CSMD3: variants seen among roughly 807,000 people sequenced by gnomAD.
CSMD3 encodes CUB and sushi domain-containing protein 3.
In CSMD3, 177 loss-of-function variants were observed where a neutral mutation model predicts 435.2. The observed-to-expected ratio is 0.41, with a 90% CI of 0.36 to 0.46. The LOEUF is 0.46. Ranked by LOEUF, CSMD3 falls within the 20% of genes least tolerant of loss-of-function variation. CSMD3 has a pLI of 0.34. For missense variants in CSMD3, 4,265 were observed against 4,504.6 expected, an observed-to-expected ratio of 0.95 and a Z score of 1.52; for synonymous variants, 1,656 against 1,520.5, an observed-to-expected ratio of 1.09 and a Z score of -2.07.
At chr8:112,642,177 G>A (rs994330018) in intron 20 of CSMD3, among the ~76,000 whole-genome samples, 1 of 151,638 alleles carries the variant, frequency 6.6e-6, no homozygotes, top group Non-Finnish European at 1.5e-5. Flanking sequence ...TTACCTAAAG[G>A]GTGCCATTTG....
chr8:112,937,990 G>A (rs117496103), intron 9 of CSMD3, among the ~76,000 whole-genome samples: 2,165 of 152,214 alleles, frequency 0.014, 24 homozygotes, highest in Non-Finnish European at 0.024. Flanking sequence ...AAAGTTGATC[G>A]TATGAATTGG....
At chr8:112,357,176 A>G (rs1274380339) in intron 38 of CSMD3, among the ~76,000 whole-genome samples, 1 of 152,130 alleles carries the variant, frequency 6.6e-6, no homozygotes, top group Non-Finnish European at 1.5e-5. Flanking sequence ...TCTCAGACAG[A>G]GATGAGGAAC....
chr8:113,075,311 C>T (rs1588021065), intron 5 of CSMD3, among the ~76,000 whole-genome samples: 1 of 151,736 alleles, frequency 6.6e-6, no homozygotes, highest in Admixed American at 6.6e-5. Context: ...GATCTTATTA[C>T]CTCAGAAGAA....
chr8:112,828,069 T>G (rs1424446169), intron 12 of CSMD3, among the ~76,000 whole-genome samples: 1 of 152,214 alleles, frequency 6.6e-6, no homozygotes, highest in Non-Finnish European at 1.5e-5. Context: ...GTATATTGCA[T>G]GTAAAATATA....
intron 5 of CSMD3, among the ~76,000 whole-genome samples, chr8:113,090,009 A>C (rs1264475316): frequency 1.1e-4 from 17 of 152,104 alleles, no homozygotes; most frequent in Admixed American, 9.8e-4. Context: ...AGAAAAAAAA[A>C]GTTAAAGTCA....
intron 18 of CSMD3, among the ~76,000 whole-genome samples, chr8:112,651,735 A>C (rs2075132867): frequency 6.6e-6 from 1 of 151,780 alleles, no homozygotes; most frequent in South Asian, 2.1e-4. Flanking sequence ...GACGGGTTTT[A>C]CCATGCTGGC....
intron 32 of CSMD3, among the ~76,000 whole-genome samples, chr8:112,468,983 T>C (rs1329474404): frequency 6.6e-6 from 1 of 151,986 alleles, no homozygotes; most frequent in East Asian, 1.9e-4. Flanking sequence ...TTGACATTTG[T>C]CTTATTTATA....
chr8:112,474,321 G>A (rs542033888), intron 31 of CSMD3, among the ~76,000 whole-genome samples: 1 of 152,214 alleles, frequency 6.6e-6, no homozygotes, highest in Non-Finnish European at 1.5e-5. Flanking sequence ...AAGTGGGGGA[G>A]GCTAGATTAT....
chr8:112,311,895 C>T (rs1011678675), intron 49 of CSMD3, among the ~76,000 whole-genome samples: 1 of 151,928 alleles, frequency 6.6e-6, no homozygotes, highest in African/African-American at 2.4e-5. Flanking sequence ...TAGTAAGAAA[C>T]AAATTGGACT....
chr8:113,399,079 A>ATG (rs1491514083), intron 1 of CSMD3, among the ~76,000 whole-genome samples: 1 of 42,940 alleles, frequency 2.3e-5, no homozygotes, highest in African/African-American at 1.5e-4. Flanking sequence ...AGGATAGTTC[A>ATG]TATATATATA....
intron 70 of CSMD3, among the ~76,000 whole-genome samples, chr8:112,226,853 C>T (rs1812608823): frequency 6.6e-6 from 1 of 152,136 alleles, no homozygotes; most frequent in South Asian, 2.1e-4. Context: ...CAGTGAGATA[C>T]AGCTTCACAT....
intron 10 of CSMD3, among the ~76,000 whole-genome samples, chr8:112,889,056 A>G (rs2130305628): frequency 6.6e-6 from 1 of 151,834 alleles, no homozygotes; most frequent in East Asian, 2.0e-4. Flanking sequence ...TTTAAAACTG[A>G]AAGCAAATCT....
chr8:113,293,407 A>G (rs2093699283), intron 2 of CSMD3, among the ~76,000 whole-genome samples: 1 of 151,866 alleles, frequency 6.6e-6, no homozygotes, highest in South Asian at 2.1e-4. Context: ...CAACTGTGGA[A>G]GTGACTGTAT....
chr8:113,267,784 A>T (rs2093484203), intron 3 of CSMD3, among the ~76,000 whole-genome samples: 1 of 151,728 alleles, frequency 6.6e-6, no homozygotes, highest in African/African-American at 2.4e-5. Context: ...AAGTTGCAAG[A>T]TTTCACACGT....
At chr8:113,345,400 A>C (rs2094145224) in intron 1 of CSMD3, among the ~76,000 whole-genome samples, 1 of 152,126 alleles carries the variant, frequency 6.6e-6, no homozygotes, top group Non-Finnish European at 1.5e-5. Context: ...TTTCTAAATA[A>C]ATCTATATAA....
chr8:112,809,137 T>G (rs1457043473), intron 12 of CSMD3, among the ~76,000 whole-genome samples: 1 of 152,170 alleles, frequency 6.6e-6, no homozygotes, highest in African/African-American at 2.4e-5. Flanking sequence ...TGTGCCCAAT[T>G]TAACTGAATT....
intron 7 of CSMD3, among the ~76,000 whole-genome samples, chr8:112,966,686 T>C (rs577734396): frequency 6.6e-6 from 1 of 151,948 alleles, no homozygotes; most frequent in East Asian, 1.9e-4. Flanking sequence ...GTTGATTTTC[T>C]TATTCATCTA....
intron 29 of CSMD3, 106 bp downstream of exon 29, chr8:112,506,584 CA>C (rs1408756062): frequency 8.9e-7 from 1 of 1,120,976 alleles, no homozygotes; most frequent in Non-Finnish European, 1.3e-6. Context: ...TAAAAAATAA[CA>C]AAAAATGCTA....
chr8:112,517,800 C>A (rs943929909), intron 27 of CSMD3, among the ~76,000 whole-genome samples: 1 of 152,128 alleles, frequency 6.6e-6, no homozygotes. Flanking sequence ...CGGGATCATT[C>A]ATGCATTGCT....
Sources: allele counts gnomAD v4.1 joint callset (sites outside exome capture counted in the v4.1 genomes callset), GRCh38; gene constraint gnomAD v4.1.1; transcripts MANE v1.5; gene names NCBI Gene and HGNC (gene_info 2026-07-23, HGNC 2026-07-21).